SLIT3: variants seen among roughly 807,000 people sequenced by gnomAD.
The protein encoded by SLIT3 is slit guidance ligand 3.
In SLIT3, 68 loss-of-function variants were observed where a neutral mutation model predicts 184.0. The ratio of observed to expected loss-of-function variants is 0.37; its 90% confidence interval spans 0.30 to 0.45. The LOEUF (loss-of-function observed/expected upper bound fraction) is 0.45. SLIT3 is among the 20% of genes least tolerant of loss of function. The pLI is 1.00. For synonymous variants in SLIT3, 831 were observed against 828.6 expected, an observed-to-expected ratio of 1.00 and a Z score of -0.05; for missense variants, 1,707 against 2,026.0, an observed-to-expected ratio of 0.84 and a Z score of 3.02.
intron 1 of SLIT3, among the ~76,000 whole-genome samples, chr5:169,260,077 G>A (rs1347805503): frequency 1.3e-5 from 2 of 151,996 alleles, no homozygotes; most frequent in Non-Finnish European, 2.9e-5. Context: ...CTCAGTTACA[G>A]ATTGAAGTAG....
At chr5:168,882,580 A>G (rs922948291) in intron 5 of SLIT3, among the ~76,000 whole-genome samples, 12 of 152,232 alleles carry the variant, frequency 7.9e-5, no homozygotes, top group Admixed American at 7.2e-4. Flanking sequence ...GATTGTACCA[A>G]TGCCAGTTTC....
intron 4 of SLIT3, among the ~76,000 whole-genome samples, chr5:168,933,127 G>A (rs775095218): frequency 2.6e-5 from 4 of 152,290 alleles, no homozygotes; most frequent in Non-Finnish European, 4.4e-5. Flanking sequence ...ATGTGCAGGG[G>A]GGTGGTGAAA....
intron 4 of SLIT3, among the ~76,000 whole-genome samples, chr5:169,010,295 C>A (rs961647974): frequency 2.6e-5 from 4 of 152,122 alleles, no homozygotes; most frequent in African/African-American, 9.7e-5. Flanking sequence ...AAGGGGCAAT[C>A]CAGAGTTAAC....
chr5:168,842,209 G>A (rs1324234327), intron 6 of SLIT3, among the ~76,000 whole-genome samples: 1 of 152,158 alleles, frequency 6.6e-6, no homozygotes, highest in African/African-American at 2.4e-5. Context: ...TCAAAGCTGT[G>A]TGCCTCTGCT....
At chr5:169,272,139 T>C (rs1469174678) in intron 1 of SLIT3, among the ~76,000 whole-genome samples, 1 of 152,224 alleles carries the variant, frequency 6.6e-6, no homozygotes, top group Non-Finnish European at 1.5e-5. Flanking sequence ...CATCCCTCAG[T>C]TCCCTTGCTT....
At chr5:168,996,281 C>A (rs1755505767) in intron 4 of SLIT3, among the ~76,000 whole-genome samples, 1 of 152,172 alleles carries the variant, frequency 6.6e-6, no homozygotes, top group African/African-American at 2.4e-5. Flanking sequence ...CCGAGAGACA[C>A]ATGATTTACC....
intron 4 of SLIT3, among the ~76,000 whole-genome samples, chr5:168,938,473 GT>G (rs1400960358): frequency 6.6e-6 from 1 of 152,180 alleles, no homozygotes; most frequent in African/African-American, 2.4e-5. Context: ...TGATTGTACT[GT>G]TGCAGCAGTG....
rs1294784778 is a variant in SLIT3, at chr5:168,712,296, A to C, written c.2542T>G (p.Ser848Ala). The change falls in exon 24 of 36, where the codon TCT becomes GCT. Residue 848 changes from serine to alanine, a missense_variant. Ser to Ala is a moderately conservative substitution (Grantham distance 99). Around this residue, in one of 3 missense-constraint regions of SLIT3, gnomAD observed 1,307 missense variants for 1,511.6 expected, o/e 0.86. Coordinates refer to ENST00000519560, the MANE Select transcript of SLIT3 (RefSeq NM_003062.4). ...ACTGCTACTTACAGATGGGAAAGAG[A>C]TGTGAGGTCGTTGAAGGAGCCTTCA... is the stretch of plus-strand genomic sequence containing the variant. ...VPEGSFNDLTSLSHLALGTNP... is the reference protein window; with the variant it reads ...VPEGSFNDLTALSHLALGTNP... The C allele has an allele frequency of 1.2e-6, 2 of 1,613,814 alleles. No individual in the cohort carries two copies. The highest frequency in any genetic ancestry group is 8.5e-7 in the Non-Finnish European group (1 of 1,179,812).
rs1304647278 is a variant in SLIT3 at position 169,300,649 on chromosome 5, C to T, written c.61G>A (p.Ala21Thr). ...GGCCCACTCAGGACGCTCGCCAGCGCCAAGGCCAGCGCCAGGCGGGCGCGC... is the reference window on the plus strand; with the variant it reads ...GGCCCACTCAGGACGCTCGCCAGCGTCAAGGCCAGCGCCAGGCGGGCGCGC... ...AVRARLALAL[A>T]LASVLSGPPA... Residue 21 changes from alanine (A) to threonine (T), a missense_variant, in exon 1 of 36, where the codon GCG becomes ACG. Physicochemically the swap from Ala to Thr is moderately conservative, Grantham distance 58. Around this residue, in one of 3 missense-constraint regions of SLIT3, gnomAD observed 1,307 missense variants for 1,511.6 expected, o/e 0.86. Coordinates refer to ENST00000519560, the MANE Select transcript of SLIT3 (RefSeq NM_003062.4). This position sits in a 1 kb window ranked among gnomAD's most constrained non-coding sequence, Gnocchi z 4.1. The T allele has an allele frequency of 3.4e-6, 5 of 1,467,838 alleles. No individual in the cohort carries two copies. The highest frequency in any genetic ancestry group is 4.5e-6 in the Non-Finnish European group (5 of 1,115,754). 90.9% of individuals were successfully genotyped at this position (1,467,838 alleles called of 1,614,324 possible). A position where few individuals can be genotyped will look rare whatever the true frequency, so the allele number is the denominator to read the frequency against.
intron 4 of SLIT3, among the ~76,000 whole-genome samples, chr5:168,904,666 G>T (rs186016512): frequency 2.0e-3 from 297 of 152,226 alleles, no homozygotes; most frequent in African/African-American, 6.5e-3. Context: ...CGTCAGGAAG[G>T]TGAACTGCTA....
intron 3 of SLIT3, among the ~76,000 whole-genome samples, chr5:169,227,376 C>T (rs1764849285): frequency 6.6e-6 from 1 of 152,154 alleles, no homozygotes; most frequent in Non-Finnish European, 1.5e-5. Context: ...CTTAATTAGT[C>T]CTCTCAACAA....
chr5:169,089,947 A>T (rs939441571), intron 4 of SLIT3, among the ~76,000 whole-genome samples: 1 of 152,214 alleles, frequency 6.6e-6, no homozygotes, highest in Non-Finnish European at 1.5e-5. Context: ...ACTTGGTATC[A>T]TTCAGAGTCC....
chr5:169,214,668 G>A (rs1013745618), intron 3 of SLIT3, among the ~76,000 whole-genome samples: 2 of 152,180 alleles, frequency 1.3e-5, no homozygotes, highest in African/African-American at 2.4e-5. Context: ...TTGTCTTCAA[G>A]AGTAAAGTGA....
intron 4 of SLIT3, among the ~76,000 whole-genome samples, chr5:169,090,263 A>T (rs1055154029): frequency 4.6e-5 from 7 of 152,116 alleles, no homozygotes; most frequent in African/African-American, 1.7e-4. Flanking sequence ...GAGAGCAGAG[A>T]AGGAGGAGAA....
chr5:168,890,703 A>C (rs888536131), intron 4 of SLIT3, among the ~76,000 whole-genome samples: 7 of 152,348 alleles, frequency 4.6e-5, no homozygotes, highest in African/African-American at 1.7e-4. Context: ...AATAGATGAA[A>C]CAAGGTTGGC....
intron 4 of SLIT3, among the ~76,000 whole-genome samples, chr5:169,185,684 T>C (rs1763308741): frequency 6.6e-6 from 1 of 152,204 alleles, no homozygotes; most frequent in African/African-American, 2.4e-5. Context: ...TGCAAAGGGC[T>C]CTGTGAGTAG....
At chr5:169,190,999 T>A (rs1019845942) in intron 4 of SLIT3, among the ~76,000 whole-genome samples, 9 of 152,190 alleles carry the variant, frequency 5.9e-5, no homozygotes, top group African/African-American at 2.2e-4. Flanking sequence ...GTAAAAAAAA[T>A]TATATTTAGC....
chr5:168,909,548 T>C (rs2113072874), intron 4 of SLIT3, among the ~76,000 whole-genome samples: 1 of 152,326 alleles, frequency 6.6e-6, no homozygotes, highest in African/African-American at 2.4e-5. Flanking sequence ...TGAGCTTGCG[T>C]TGTTATTTTT....
chr5:168,831,640 C>G (rs554441184), intron 6 of SLIT3, among the ~76,000 whole-genome samples: 1 of 152,092 alleles, frequency 6.6e-6, no homozygotes, highest in African/African-American at 2.4e-5. Flanking sequence ...TATTTGTACC[C>G]GACTCTAAAG....
Sources: gnomAD v4.1 joint callset for allele counts (sites outside exome capture counted in the v4.1 genomes callset) on GRCh38, gnomAD v4.1.1 for gene constraint, gnomAD v4.1.1 regional missense constraint, Gnocchi (gnomAD v3.1) non-coding constraint, MANE v1.5 for transcripts, NCBI Gene and HGNC (gene_info 2026-07-23, HGNC 2026-07-21) for gene names.